Variants in GRK3 observed in about 807,000 individuals in gnomAD.
GRK3 encodes the protein adrenergic, beta, receptor kinase 2.
A neutral mutation model predicts 95.7 loss-of-function variants in GRK3; 54 were observed. That is an observed-to-expected ratio of 0.56 (90% CI 0.45 to 0.71). The LOEUF is 0.71. GRK3 is among the 30% of genes least tolerant of loss of function. The pLI is 0.00. For missense variants in GRK3, 649 were observed against 851.2 expected (o/e 0.76, Z 2.96); for synonymous variants, 281 against 290.8 (o/e 0.97, Z 0.34).
At chr22:25,616,100 AT>A (rs1375018904) in intron 2 of GRK3, among the ~76,000 whole-genome samples, 1 of 151,766 alleles carries the variant, frequency 6.6e-6, no homozygotes, top group Non-Finnish European at 1.5e-5. Context: ...GAGGTGGGAC[AT>A]AGGGAAGTTT....
chr22:25,645,096 G>T (rs945144421), intron 3 of GRK3, among the ~76,000 whole-genome samples: 6 of 152,176 alleles, frequency 3.9e-5, no homozygotes, highest in African/African-American at 1.4e-4. Flanking sequence ...GGGGGGTGTG[G>T]TGGGGTGCTC....
intron 2 of GRK3, among the ~76,000 whole-genome samples, chr22:25,640,670 T>C (rs1426099248): frequency 6.6e-6 from 1 of 152,224 alleles, no homozygotes; most frequent in East Asian, 1.9e-4. Flanking sequence ...TAGAAACCAC[T>C]TATATTTAAT....
chr22:25,724,480 T>G lies in GRK3; in HGVS notation c.*2030T>G, dbSNP rs2085458898. 1 of 152,204 alleles carries G rather than the reference T, an allele frequency of 6.6e-6. No individual in the cohort carries two copies. Among genetic ancestry groups the G allele is most frequent in the South Asian group, 2.1e-4 (1 of 4,836 alleles). The allele number at this position is 152,204 out of a possible 1,614,324, so 9.4% of individuals were successfully genotyped here. A position where few individuals can be genotyped will look rare whatever the true frequency, so the allele number is the denominator to read the frequency against. ...CTCTTTCAAAAACTAGAATTTCTGC[T>G]CTAAGAATAGAACATAAGGCTCCAC... On this transcript the variant is annotated 3_prime_UTR_variant, in exon 21 of 21. Coordinates refer to ENST00000324198, the MANE Select transcript of GRK3 (RefSeq NM_005160.4).
At chr22:25,688,125 A>G (rs1408345756) in intron 11 of GRK3, among the ~76,000 whole-genome samples, 3 of 151,494 alleles carry the variant, frequency 2.0e-5, no homozygotes, top group Non-Finnish European at 4.4e-5. Flanking sequence ...AGTCCCAGCT[A>G]CTCAGGAGGC....
chr22:25,680,143 G>A (rs1038971746), intron 9 of GRK3, among the ~76,000 whole-genome samples: 1 of 152,184 alleles, frequency 6.6e-6, no homozygotes, highest in African/African-American at 2.4e-5. Flanking sequence ...TGCTATTGAA[G>A]CAAAAGAATA....
chr22:25,585,015 A>G (rs1416002126), intron 1 of GRK3, among the ~76,000 whole-genome samples: 1 of 152,290 alleles, frequency 6.6e-6, no homozygotes, highest in African/African-American at 2.4e-5. Context: ...AGGTAATCCT[A>G]AAGTCTAGGT....
intron 1 of GRK3, among the ~76,000 whole-genome samples, chr22:25,571,111 C>T (rs1020787469): frequency 6.6e-6 from 1 of 152,174 alleles, no homozygotes; most frequent in Non-Finnish European, 1.5e-5. Context: ...GTTTCAGGAG[C>T]AGAAAAAGAT....
At chr22:25,688,048 A>G (rs371426610) in intron 11 of GRK3, among the ~76,000 whole-genome samples, 105 of 152,264 alleles carry the variant, frequency 6.9e-4, no homozygotes, top group African/African-American at 2.3e-3. Context: ...CATCCTGGCT[A>G]ACACAGTGAA....
chr22:25,647,457 C>G, intron 3 of GRK3: 1 of 1,319,116 alleles, frequency 7.6e-7, no homozygotes, highest in Non-Finnish European at 1.1e-6. Flanking sequence ...GGAGGATCCT[C>G]AGGGGTAACA....
chr22:25,597,095 T>G (rs1428274254), intron 1 of GRK3, among the ~76,000 whole-genome samples: 1 of 152,226 alleles, frequency 6.6e-6, no homozygotes, highest in Non-Finnish European at 1.5e-5. Context: ...TACATGTATT[T>G]CTATAGATTA....
In GRK3 at chr22:25,722,388, C is replaced by A. The variant is rs138658639; in HGVS notation, c.2005C>A (p.Arg669=). The A allele has an allele frequency of 7.4e-6, 12 of 1,614,054 alleles. No individual in the cohort carries two copies. The African/African-American group carries it at 1.6e-4, about 22-fold the overall frequency. The change falls in exon 21 of 21, where the codon CGG becomes AGG. Residue 669 remains arginine (R), a synonymous_variant. Transcript: ENST00000324198. The stretch of plus-strand genomic sequence containing the variant: ...TGCCCCGAAGTTCCTCAACAAACCT[C>A]GGTCAGGTACTGTGGAGCTCCCAAA... ...RRAPKFLNKP[R]SGTVELPKPS...
intron 1 of GRK3, among the ~76,000 whole-genome samples, chr22:25,569,835 C>A (rs1003807950): frequency 2.0e-5 from 3 of 151,832 alleles, no homozygotes; most frequent in African/African-American, 7.3e-5. Flanking sequence ...TTCATTTGTC[C>A]CCACAGTAGT....
At chr22:25,692,389 G>A (rs1276515918) in intron 12 of GRK3, among the ~76,000 whole-genome samples, 1 of 152,216 alleles carries the variant, frequency 6.6e-6, no homozygotes, top group African/African-American at 2.4e-5. Flanking sequence ...CCTTCTGTGA[G>A]GAGGAGAGGA....
intron 3 of GRK3, chr22:25,648,740 G>A: frequency 8.9e-7 from 1 of 1,119,224 alleles, no homozygotes; most frequent in African/African-American, 1.5e-5. Flanking sequence ...TGCCTGCTCA[G>A]ATTGCTGATG....
intron 7 of GRK3, 122 bp from the exon 8 acceptor site, chr22:25,674,315 A>T (rs534954440): frequency 9.2e-5 from 67 of 728,244 alleles, no homozygotes; most frequent in Non-Finnish European, 1.3e-4. Flanking sequence ...CAGTCATGAA[A>T]AGGGTAGATC....
intron 17 of GRK3, among the ~76,000 whole-genome samples, chr22:25,712,858 T>C (rs886100117): frequency 1.3e-5 from 2 of 152,246 alleles, no homozygotes; most frequent in Non-Finnish European, 2.9e-5. Flanking sequence ...AAGTCCTGTC[T>C]GGTAGGGATT....
chr22:25,597,817 A>T (rs748399561), intron 1 of GRK3, among the ~76,000 whole-genome samples: 23 of 152,240 alleles, frequency 1.5e-4, no homozygotes, highest in Non-Finnish European at 2.6e-4. Context: ...GTGGAGTGAC[A>T]TCAAGTGCTG....
chr22:25,690,164 T>A, intron 11 of GRK3, 25 bp from the exon 12 acceptor site: 1 of 1,583,366 alleles, frequency 6.3e-7, no homozygotes, highest in Non-Finnish European at 8.7e-7. Flanking sequence ...GCACTCTTAT[T>A]AAAGATTATT....
intron 19 of GRK3, among the ~76,000 whole-genome samples, chr22:25,720,133 T>G (rs1007918093): frequency 6.6e-6 from 1 of 152,110 alleles, no homozygotes; most frequent in African/African-American, 2.4e-5. Context: ...GATTATACAT[T>G]TATTATGCTA....
Sources: allele counts gnomAD v4.1 joint callset (sites outside exome capture counted in the v4.1 genomes callset), GRCh38; gene constraint gnomAD v4.1.1; transcripts MANE v1.5; gene names NCBI Gene and HGNC (gene_info 2026-07-23, HGNC 2026-07-21).